The following MTA2 variants were observed in gnomAD, a reference collection of about 807,000 sequenced individuals.
MTA2 encodes metastasis-associated protein MTA2.
Under a neutral mutation model 87.1 loss-of-function variants are expected in MTA2, and 22 were observed. The ratio of observed to expected loss-of-function variants is 0.25; its 90% CI spans 0.18 to 0.36. The LOEUF is 0.36. Ranked by LOEUF, MTA2 falls within the 10% of genes least tolerant of loss-of-function variation. The pLI, the probability that MTA2 is intolerant of heterozygous loss-of-function variation, is 1.00. For missense variants in MTA2, 542 were observed against 853.2 expected, an observed-to-expected ratio of 0.64 and a Z score of 4.54; for synonymous variants, 314 against 310.1, an observed-to-expected ratio of 1.01 and a Z score of -0.13.
Position 62,600,638 on chromosome 11 carries a change from A to G in MTA2, c.80T>C (p.Ile27Thr). Residue 27 changes from isoleucine (I) to threonine (T), a missense_variant, in exon 2 of 18, where the codon ATT becomes ACT. Ile to Thr is a moderately conservative substitution (Grantham distance 89). Coordinates refer to ENST00000278823, the MANE Select transcript of MTA2 (RefSeq NM_004739.4). ...TCCACTCACCTTGTTGAGCTCCTCA[A>G]TCCGTCTAACCAGGTAAGGATTGCT... ...SSSNPYLVRR[I>T]EELNKTANGN... The G allele has an allele frequency of 6.2e-7, 1 of 1,613,996 alleles. No homozygotes were observed.
Position 62,601,677 on chromosome 11 carries a change from C to G in MTA2, c.-227G>C. 1 of 540,692 alleles carries G rather than the reference C, an allele frequency of 1.8e-6. No homozygotes were observed. Among genetic ancestry groups the G allele is most frequent in the Non-Finnish European group, 3.2e-6 (1 of 313,764 alleles). The allele number at this position is 540,692 out of a possible 1,614,324, so 33.5% of individuals were successfully genotyped here. A position where few individuals can be genotyped will look rare whatever the true frequency, so the allele number is the denominator to read the frequency against. On this transcript the variant is annotated 5_prime_UTR_variant, in exon 1 of 18. Coordinates refer to ENST00000278823, the MANE Select transcript of MTA2 (RefSeq NM_004739.4). ...CTCCCGGGACGCTGAGGCTGGCCCC[C>G]GTCCGCTCGGCTTCTTCCGGAACGA... is the stretch of plus-strand genomic sequence containing the variant.
rs1226876881 is a variant in MTA2, at chr11:62,601,238, T to TC, written c.28+184dup. On this transcript the variant is annotated intron_variant, in intron 1 of 17. Transcript: ENST00000278823. ...TGCCCGCAGCTTCTCTCTGGGAGTCTCGGAGCCCTGCCGCGTCGCGGTTCC... is the reference window on the plus strand; with the variant it reads ...TGCCCGCAGCTTCTCTCTGGGAGTCTCCGGAGCCCTGCCGCGTCGCGGTTCC... 6 of 735,700 alleles carry TC rather than the reference T, an allele frequency of 8.2e-6. No individual in the cohort carries two copies. The African/African-American group carries it at 9.2e-5, about 11-fold the overall frequency. 45.6% of individuals were successfully genotyped at this position (735,700 alleles called of 1,614,324 possible).
chr11:62,593,766 T>G lies in MTA2; in HGVS notation c.*109A>C. On this transcript the variant is annotated 3_prime_UTR_variant, in exon 18 of 18. Coordinates refer to ENST00000278823, the MANE Select transcript of MTA2 (RefSeq NM_004739.4). The stretch of plus-strand genomic sequence containing the variant: ...TCCAGGGACACACACTCACTTGCTC[T>G]CTTCCTTAATTCACTCCTCACTCCC... 2 of 1,394,806 alleles carry G rather than the reference T, an allele frequency of 1.4e-6. No individual in the cohort carries two copies. Among genetic ancestry groups the G allele is most frequent in the Non-Finnish European group, 2.0e-6 (2 of 1,018,042 alleles). The allele number at this position is 1,394,806 out of a possible 1,614,324, so 86.4% of individuals were successfully genotyped here.
In MTA2 at chr11:62,597,595, C is replaced by T; in HGVS notation, c.593+15G>A. ...ACCTCCCCCAGCCCATCTTCCCTATCCACCCACCCCTCACCGGGCCACCAC... is the reference window on the plus strand; with the variant it reads ...ACCTCCCCCAGCCCATCTTCCCTATTCACCCACCCCTCACCGGGCCACCAC... On this transcript the variant is annotated intron_variant, in intron 7 of 17. Transcript: ENST00000278823. The T allele has an allele frequency of 1.2e-6, 2 of 1,611,828 alleles. No homozygotes were observed. The highest frequency in any genetic ancestry group is 1.7e-6 in the Non-Finnish European group (2 of 1,178,280).
Position 62,600,198 on chromosome 11 carries a change from C to G in MTA2, c.158G>C (p.Ser53Thr). The change falls in exon 3 of 18, where the codon AGT (serine) becomes ACT (threonine). Residue 53 changes from serine (S) to threonine (T), a missense_variant. Around this residue, in one of 6 missense-constraint regions of MTA2, gnomAD observed 150 missense variants for 243.9 expected, o/e 0.62. Transcript: ENST00000278823. The part of the protein sequence containing the change: ...VCLFRRRDIS[S>T]SLNSLADSNA... The stretch of plus-strand genomic sequence containing the variant: ...ACTATCAGCCAGGCTGTTGAGGCTA[C>G]TAGAAATGTCCCTGCGCCGGAAAAG... 2 of 1,614,162 alleles carry G rather than the reference C, an allele frequency of 1.2e-6. No individual in the cohort carries two copies. The highest frequency in any genetic ancestry group is 1.7e-6 in the Non-Finnish European group (2 of 1,180,034).
chr11:62,598,247 T>A (rs942744212), intron 5 of MTA2, 80 bp downstream of exon 5: 13 of 1,561,996 alleles, frequency 8.3e-6, no homozygotes, highest in Admixed American at 1.7e-5. Context: ...ACCCTGTACC[T>A]CATCATTGTG....
chr11:62,594,757 G>C (rs1942075104), intron 15 of MTA2, 123 bp from the exon 16 acceptor site: 1 of 945,406 alleles, frequency 1.1e-6, no homozygotes, highest in South Asian at 1.6e-5. Flanking sequence ...ATGGGGGAAT[G>C]TTCTGGCAAG....
intron 10 of MTA2, 37 bp downstream of exon 10, chr11:62,596,421 G>T: frequency 6.2e-7 from 1 of 1,612,936 alleles, no homozygotes. Context: ...AGGTCAGCAG[G>T]TAGCCTATGG....
At chr11:62,594,135 T>C (rs1942063875) in intron 17 of MTA2, 95 bp from the exon 18 acceptor site, 1 of 1,555,220 alleles carries the variant, frequency 6.4e-7, no homozygotes, top group Non-Finnish European at 8.7e-7. Flanking sequence ...TTCTGGCCCA[T>C]TCTTTTCTGG....
At position 62,595,668 on chromosome 11, in the gene MTA2, A is replaced by G; in HGVS notation, c.1254+84T>C. 2.5e-6 allele frequency: 4 copies of G among 1,573,712 alleles called. No individual in the cohort carries two copies. In the South Asian group the frequency reaches 3.5e-5, roughly 14 times the overall value. On this transcript the variant is annotated intron_variant, in intron 13 of 17. Transcript: ENST00000278823. This position sits in a 1 kb window ranked among gnomAD's most constrained non-coding sequence, Gnocchi z 4.9. ...CGTCCATCAAACCATCACCATATAA[A>G]GAGTTGAATATTCTGGCCTTCACCT...
chr11:62,600,434 C>G, intron 2 of MTA2, 175 bp from the exon 3 acceptor site: 1 of 806,828 alleles, frequency 1.2e-6, no homozygotes, highest in East Asian at 2.7e-5. Context: ...AATCCCTTTC[C>G]TTTGCCCCCA....
intron 3 of MTA2, chr11:62,599,071 T>C (rs940637099): frequency 5.7e-6 from 1 of 174,214 alleles, no homozygotes; most frequent in African/African-American, 2.4e-5. Context: ...CTCTAAAACA[T>C]CACATGCAGC....
In MTA2 at chr11:62,595,556, C is replaced by A; in HGVS notation, c.1255-64G>T. On this transcript the variant is annotated intron_variant, in intron 13 of 17. Transcript: ENST00000278823. The surrounding 1 kb of genome is among the most constrained non-coding windows in gnomAD (Gnocchi z 4.9). ...AGCACTGAGGCTCCCTTCTTTCTTC[C>A]ATTCCCTGCAGGGGACAATTTATTC... The A allele has an allele frequency of 1.3e-6, 2 of 1,580,250 alleles. No homozygotes were observed. The highest frequency in any genetic ancestry group is 1.7e-6 in the Non-Finnish European group (2 of 1,154,084).
Position 62,600,980 on chromosome 11 carries a change from A to C in MTA2, c.29-291T>G, listed in dbSNP as rs1296164085. 3 of 485,908 alleles carry C rather than the reference A, an allele frequency of 6.2e-6. No homozygotes were observed. In the East Asian group the frequency reaches 1.1e-4, roughly 18 times the overall value. 30.1% of individuals were successfully genotyped at this position (485,908 alleles called of 1,614,324 possible). A position where few individuals can be genotyped will look rare whatever the true frequency, so the allele number is the denominator to read the frequency against. On this transcript the variant is annotated intron_variant, in intron 1 of 17. Transcript: ENST00000278823. ...ACAACTCAGCGATGAGTTGCACCCCAGTCGCGGCGAAGTAATTGTCCGCTC... is the reference window on the plus strand; with the variant it reads ...ACAACTCAGCGATGAGTTGCACCCCCGTCGCGGCGAAGTAATTGTCCGCTC...
chr11:62,596,415 C>G (rs373778913), intron 10 of MTA2, 43 bp downstream of exon 10: 78 of 1,612,720 alleles, frequency 4.8e-5, no homozygotes, highest in Non-Finnish European at 6.4e-5. Flanking sequence ...AGGCAGAGGT[C>G]AGCAGGTAGC....
chr11:62,601,053 G>T, intron 1 of MTA2: 1 of 503,236 alleles, frequency 2.0e-6, no homozygotes, highest in Non-Finnish European at 3.5e-6. Flanking sequence ...AATAACGCCT[G>T]GGAAGAGGAA....
chr11:62,598,249 A>C, intron 5 of MTA2, 78 bp downstream of exon 5: 1 of 1,566,616 alleles, frequency 6.4e-7, no homozygotes, highest in South Asian at 1.1e-5. Flanking sequence ...CCTGTACCTC[A>C]TCATTGTGCT....
In MTA2 at chr11:62,600,214, G is replaced by T. The variant is rs752504347; in HGVS notation, c.142C>A (p.Arg48Ser). ...VEAKVVCLFR[R>S]RDISSSLNSL... ...TTGAGGCTACTAGAAATGTCCCTGC[G>T]CCGGAAAAGACAGACAACCTTTGCC... The change falls in exon 3 of 18, where the codon CGC (arginine) becomes AGC (serine). Residue 48 changes from arginine (R) to serine (S), a missense_variant. Physicochemically the swap from Arg to Ser is moderately radical, Grantham distance 110. Transcript: ENST00000278823. The T allele has an allele frequency of 6.2e-7, 1 of 1,614,066 alleles. No individual in the cohort carries two copies. Among genetic ancestry groups the T allele is most frequent in the Admixed American group, 1.7e-5 (1 of 60,000 alleles).
At chr11:62,597,113 C>T (rs576107227) in intron 8 of MTA2, among the ~76,000 whole-genome samples, 2 of 151,992 alleles carry the variant, frequency 1.3e-5, no homozygotes, top group Non-Finnish European at 2.9e-5. Flanking sequence ...GGTGTGAACC[C>T]GGGAGGCGGA....
Sources: allele counts gnomAD v4.1 joint callset (sites outside exome capture counted in the v4.1 genomes callset), GRCh38; gene constraint gnomAD v4.1.1; regional missense constraint gnomAD v4.1.1; non-coding constraint Gnocchi (gnomAD v3.1); transcripts MANE v1.5; gene names NCBI Gene and HGNC (gene_info 2026-07-23, HGNC 2026-07-21).